Variants in EYS observed in about 807,000 individuals in gnomAD.
EYS encodes the protein EGF-like photoreceptor maintenance factor.
Under a neutral mutation model 282.1 loss-of-function variants are expected in EYS, and 250 were observed. The observed-to-expected ratio is 0.89, with a 90% CI of 0.80 to 0.98. The LOEUF is 0.98. Ranked by LOEUF, EYS falls within the 50% of genes least tolerant of loss-of-function variation. The pLI is 0.00. For missense variants in EYS, 4,016 were observed against 3,709.0 expected (o/e 1.08, Z -2.15); for synonymous variants, 1,355 against 1,282.9 (o/e 1.06, Z -1.20).
At chr6:64,816,989 A>G (rs1165054779) in intron 21 of EYS, among the ~76,000 whole-genome samples, 1 of 151,480 alleles carries the variant, frequency 6.6e-6, no homozygotes, top group Non-Finnish European at 1.5e-5. Flanking sequence ...TATATAAAGT[A>G]GAATAATTTT....
intron 2 of EYS, among the ~76,000 whole-genome samples, chr6:65,601,270 C>A (rs1019607738): frequency 2.0e-5 from 3 of 151,792 alleles, no homozygotes; most frequent in Non-Finnish European, 4.4e-5. Flanking sequence ...TTAGCCATAT[C>A]TTTTCATCTG....
chr6:63,819,234 C>T (rs971870606), intron 36 of EYS, among the ~76,000 whole-genome samples: 1 of 152,156 alleles, frequency 6.6e-6, no homozygotes, highest in Non-Finnish European at 1.5e-5. Context: ...ATCAGTCACT[C>T]GGGGCAACAC....
intron 19 of EYS, among the ~76,000 whole-genome samples, chr6:64,852,902 A>G (rs1000720868): frequency 3.3e-5 from 5 of 152,148 alleles, no homozygotes; most frequent in African/African-American, 1.2e-4. Flanking sequence ...GAACTGTAAG[A>G]AAACACATTT....
chr6:63,926,636 G>A (rs1764724206), intron 35 of EYS, among the ~76,000 whole-genome samples: 1 of 152,072 alleles, frequency 6.6e-6, no homozygotes, highest in Non-Finnish European at 1.5e-5. Context: ...CATTTTGACA[G>A]TTAGTCCAGA....
At chr6:64,022,114 C>G (rs1442863159) in intron 33 of EYS, among the ~76,000 whole-genome samples, 1 of 152,136 alleles carries the variant, frequency 6.6e-6, no homozygotes, top group East Asian at 1.9e-4. Context: ...AACAGAATTG[C>G]CAAATAAGCA....
At chr6:64,744,894 T>G (rs1772501900) in intron 22 of EYS, among the ~76,000 whole-genome samples, 1 of 152,170 alleles carries the variant, frequency 6.6e-6, no homozygotes, top group African/African-American at 2.4e-5. Flanking sequence ...TGGAAAGATT[T>G]TTCTTCTCAG....
chr6:65,637,174 A>C (rs566394899), intron 2 of EYS, among the ~76,000 whole-genome samples: 1 of 152,356 alleles, frequency 6.6e-6, no homozygotes, highest in African/African-American at 2.4e-5. Context: ...TAAAAACGAT[A>C]AAGGCAGAAA....
At chr6:64,935,663 A>G in intron 15 of EYS, among the ~76,000 whole-genome samples, 1 of 151,766 alleles carries the variant, frequency 6.6e-6, no homozygotes, top group East Asian at 1.9e-4. Flanking sequence ...AAAAGGATTC[A>G]AAGAGAATAC....
chr6:65,658,085 G>C (rs1767888590), intron 1 of EYS, among the ~76,000 whole-genome samples: 1 of 151,770 alleles, frequency 6.6e-6, no homozygotes, highest in Non-Finnish European at 1.5e-5. Flanking sequence ...ACAGTATAGT[G>C]TAAGCATAAG....
chr6:64,945,247 T>C (rs1479197395), intron 15 of EYS, among the ~76,000 whole-genome samples: 1 of 151,594 alleles, frequency 6.6e-6, no homozygotes, highest in Non-Finnish European at 1.5e-5. Context: ...CATTAAAAGG[T>C]GGGCATAATA....
rs372172575 is a variant in EYS, at chr6:65,178,297, T to C, written c.2023+117566A>G. ...TTGCAACGTACTGTTCCCTTTTCTC[T>C]AATAAATCTGTCTTTCTAAACTTGT... On this transcript the variant is annotated intron_variant, in intron 12 of 42. Transcript: ENST00000503581. Among the ~76,000 whole-genome samples the C allele has an allele frequency of 1.7e-4, 26 of 152,070 alleles. No homozygotes were observed. The East Asian group carries it at 4.9e-3, about 29-fold the overall frequency.
At chr6:65,294,565 T>G (rs1768610922) in intron 12 of EYS, among the ~76,000 whole-genome samples, 1 of 151,892 alleles carries the variant, frequency 6.6e-6, no homozygotes, top group South Asian at 2.1e-4. Context: ...AATGATCATA[T>G]AACGTACAAC....
intron 35 of EYS, among the ~76,000 whole-genome samples, chr6:63,893,163 T>C (rs1340385741): frequency 6.6e-6 from 1 of 152,172 alleles, no homozygotes; most frequent in Admixed American, 6.5e-5. Context: ...TGGAAGACAC[T>C]GTGGCGATTC....
chr6:65,354,386 A>T (rs1764399691), intron 8 of EYS, among the ~76,000 whole-genome samples: 2 of 152,150 alleles, frequency 1.3e-5, no homozygotes, highest in Non-Finnish European at 1.5e-5. Context: ...AAGGAATCTG[A>T]CAGTTCCATT....
chr6:64,696,701 G>A (rs1190929490), intron 22 of EYS, among the ~76,000 whole-genome samples: 1 of 152,032 alleles, frequency 6.6e-6, no homozygotes, highest in Non-Finnish European at 1.5e-5. Flanking sequence ...TATTTTCAAA[G>A]TGCTTAAAGA....
chr6:65,458,607 T>C (rs902903437), intron 5 of EYS, among the ~76,000 whole-genome samples: 11 of 152,170 alleles, frequency 7.2e-5, no homozygotes, highest in Non-Finnish European at 1.2e-4. Flanking sequence ...CACTTATTTC[T>C]GTTAATAGAA....
rs540556451 is a variant in EYS, at chr6:65,493,157, C to T, written c.748+1506G>A. On this transcript the variant is annotated intron_variant, in intron 4 of 42. Coordinates refer to ENST00000503581, the MANE Select transcript of EYS (RefSeq NM_001142800.2). ...CTTGAACTCCTTACCTCAGGTGATC[C>T]GCCTGCCTCGGCCTCCCAAAGTGCT... is the stretch of plus-strand genomic sequence containing the variant. 1.1e-3 allele frequency among the ~76,000 whole-genome samples: 174 copies of T among 152,274 alleles called. 1 individual carries two copies. The highest frequency in any genetic ancestry group is 3.6e-3 in the African/African-American group (150 of 41,558).
chr6:64,555,005 A>G (rs1296166289), intron 26 of EYS, among the ~76,000 whole-genome samples: 4 of 152,012 alleles, frequency 2.6e-5, no homozygotes, highest in Non-Finnish European at 5.9e-5. Context: ...TGCTCCAGCA[A>G]TCCCTCTACA....
At chr6:64,616,669 A>T (rs1250343386) in intron 24 of EYS, among the ~76,000 whole-genome samples, 1 of 151,798 alleles carries the variant, frequency 6.6e-6, no homozygotes, top group Non-Finnish European at 1.5e-5. Context: ...TTCCCTTCAC[A>T]CTTGTTCATC....
Sources: allele counts gnomAD v4.1 joint callset (sites outside exome capture counted in the v4.1 genomes callset), GRCh38; gene constraint gnomAD v4.1.1; transcripts MANE v1.5; gene names NCBI Gene and HGNC (gene_info 2026-07-23, HGNC 2026-07-21).